CCDC90B: variants seen among roughly 807,000 people sequenced by gnomAD.
The protein encoded by CCDC90B is coiled-coil domain-containing protein 90B, mitochondrial.
CCDC90B carries 24 observed loss-of-function variants against 37.0 expected under a neutral mutation model. The observed-to-expected ratio is 0.65, with a 90% confidence interval of 0.47 to 0.91. The LOEUF is 0.91. CCDC90B is among the 40% of genes least tolerant of loss of function. The pLI is 0.00. For synonymous variants in CCDC90B, 113 were observed against 101.1 expected, an observed-to-expected ratio of 1.12 and a Z score of -0.71; for missense variants, 319 against 299.0, an observed-to-expected ratio of 1.07 and a Z score of -0.49.
At chr11:83,271,642 T>C (rs1470688353) in intron 7 of CCDC90B, among the ~76,000 whole-genome samples, 3 of 152,146 alleles carry the variant, frequency 2.0e-5, no homozygotes, top group Non-Finnish European at 4.4e-5. Flanking sequence ...TGTGGAGAAA[T>C]AGGAACGCTT....
chr11:83,266,365 TG>T (rs996754386), intron 7 of CCDC90B, among the ~76,000 whole-genome samples: 2 of 152,218 alleles, frequency 1.3e-5, no homozygotes, highest in African/African-American at 4.8e-5. Flanking sequence ...AGGGAAGCCA[TG>T]ACAGACTACC....
rs1865659115 is a variant in CCDC90B at position 83,285,908 on chromosome 11, C to T, written c.65G>A (p.Arg22Lys). ...SQGRGDRWVS[R>K]PRGHFSPALR... ...GGCCGGCGAGAAATGCCCGCGGGGC[C>T]TTGAAACCCAACGATCTCCTCTGCC... Residue 22 changes from arginine (R) to lysine (K), a missense_variant, in exon 1 of 9, where the codon AGG becomes AAG. By Grantham distance (26) the Arg-to-Lys change is conservative. Transcript: ENST00000529689. 1.2e-6 allele frequency: 2 copies of T among 1,613,390 alleles called. No homozygotes were observed. The highest frequency in any genetic ancestry group is 4.5e-5 in the East Asian group (2 of 44,872).
In CCDC90B at chr11:83,269,216, A is replaced by G. The variant is rs184331591; in HGVS notation, c.595-3237T>C. 3.6e-3 allele frequency among the ~76,000 whole-genome samples: 549 copies of G among 152,370 alleles called. 3 individuals are homozygous for G. The highest frequency in any genetic ancestry group is 5.6e-3 in the Non-Finnish European group (384 of 68,040). On this transcript the variant is annotated intron_variant, in intron 7 of 8. Coordinates refer to ENST00000529689, the MANE Select transcript of CCDC90B (RefSeq NM_021825.5). The stretch of plus-strand genomic sequence containing the variant: ...CACAATTAAAAGAACTAGAGAAGCA[A>G]GAGCAAACACATTCAAAAGCTAGCA...
rs1302585661 is a variant in CCDC90B, at chr11:83,260,181, A to G, written c.*1730T>C. The G allele has an allele frequency of 2.0e-5, 3 of 152,228 alleles. No individual in the cohort carries two copies. Among genetic ancestry groups the G allele is most frequent in the Non-Finnish European group, 2.9e-5 (2 of 68,038 alleles). 9.4% of individuals were successfully genotyped at this position (152,228 alleles called of 1,614,324 possible). ...AAGACGCATTCCCTCTTAATATTTT[A>G]GAATATTTTAAATCTTAACAAACCA... On this transcript the variant is annotated 3_prime_UTR_variant, in exon 9 of 9. Transcript: ENST00000529689.
At chr11:83,273,752 A>G in intron 6 of CCDC90B, 41 bp downstream of exon 6, 2 of 1,600,254 alleles carry the variant, frequency 1.2e-6, no homozygotes, top group African/African-American at 1.3e-5. Context: ...AAAATAAAAA[A>G]GGAGTAAGTA....
At position 83,266,017 on chromosome 11, in the gene CCDC90B, CTATGTAT is replaced by C. The variant is rs1400097921; in HGVS notation, c.595-45_595-39del. 4 of 1,118,550 alleles carry C rather than the reference CTATGTAT, an allele frequency of 3.6e-6. No homozygotes were observed. The South Asian group carries it at 5.2e-5, about 14-fold the overall frequency. 69.3% of individuals were successfully genotyped at this position (1,118,550 alleles called of 1,614,324 possible). Reference sequence around the variant, plus strand: ...AGAATAAGAGAACTTAATTTTGTCCCTATGTATTAAATGGACAAAAGCATTTACATTA... The same window carrying C: ...AGAATAAGAGAACTTAATTTTGTCCCTAAATGGACAAAAGCATTTACATTA... On this transcript the variant is annotated intron_variant, in intron 7 of 8. Coordinates refer to ENST00000529689, the MANE Select transcript of CCDC90B (RefSeq NM_021825.5).
chr11:83,272,094 C>T (rs1378099016), intron 7 of CCDC90B, among the ~76,000 whole-genome samples: 1 of 151,992 alleles, frequency 6.6e-6, no homozygotes, highest in African/African-American at 2.4e-5. Flanking sequence ...AAACATCACA[C>T]ACTGGGGCCT....
intron 3 of CCDC90B, among the ~76,000 whole-genome samples, chr11:83,277,585 C>T (rs11233545): frequency 0.045 from 6,875 of 152,010 alleles, 200 homozygotes; most frequent in South Asian, 0.15. Flanking sequence ...CCAGTTCAAG[C>T]GATTCTCCTG....
At chr11:83,285,769 G>C in intron 1 of CCDC90B, 104 bp downstream of exon 1, 1 of 1,482,208 alleles carries the variant, frequency 6.7e-7, no homozygotes, top group Non-Finnish European at 8.9e-7. Context: ...TCCGGGAGGA[G>C]GGCGTGGCAC....
At position 83,261,759 on chromosome 11, in the gene CCDC90B, T is replaced by C; in HGVS notation, c.*152A>G. 1.7e-6 allele frequency: 1 copy of C among 573,680 alleles called. No individual in the cohort carries two copies. The allele number at this position is 573,680 out of a possible 1,614,324, so 35.5% of individuals were successfully genotyped here. A position where few individuals can be genotyped will look rare whatever the true frequency, so the allele number is the denominator to read the frequency against. On this transcript the variant is annotated 3_prime_UTR_variant, in exon 9 of 9. Coordinates refer to ENST00000529689, the MANE Select transcript of CCDC90B (RefSeq NM_021825.5). ...ACACACAATAAAGACACAGTATCTC[T>C]TCTCATTCTAAAACACTTCCTCTTT...
At chr11:83,277,382 T>C (rs1865099316) in intron 3 of CCDC90B, among the ~76,000 whole-genome samples, 1 of 152,206 alleles carries the variant, frequency 6.6e-6, no homozygotes, top group Non-Finnish European at 1.5e-5. Context: ...AAAATGCATG[T>C]ACAAACTTAA....
chr11:83,263,424 T>C (rs1591025653), intron 8 of CCDC90B, among the ~76,000 whole-genome samples: 2 of 152,234 alleles, frequency 1.3e-5, no homozygotes, highest in East Asian at 3.8e-4. Context: ...TCTTTTAAGT[T>C]TGCTGTTTAT....
chr11:83,262,026 A>G, intron 8 of CCDC90B, 60 bp from the exon 9 acceptor site: 1 of 1,199,984 alleles, frequency 8.3e-7, no homozygotes, highest in Non-Finnish European at 1.2e-6. Context: ...GCAGAGATAA[A>G]GAGAATAATG....
At chr11:83,266,357 G>C (rs1864274037) in intron 7 of CCDC90B, among the ~76,000 whole-genome samples, 1 of 152,226 alleles carries the variant, frequency 6.6e-6, no homozygotes, top group African/African-American at 2.4e-5. Context: ...CCTAGCCAAG[G>C]GAAGCCATGA....
chr11:83,264,626 AT>A (rs1266093204), intron 8 of CCDC90B, among the ~76,000 whole-genome samples: 1 of 151,768 alleles, frequency 6.6e-6, no homozygotes, highest in Non-Finnish European at 1.5e-5. Flanking sequence ...TGCCCTTAAC[AT>A]TTTTTCCTTC....
chr11:83,285,403 T>C lies in CCDC90B; in HGVS notation c.100+470A>G, dbSNP rs1489271910. ...AGTCTACAATGTGACTGAAATGTAC[T>C]GAGAATTCCAGTGAGAATAAGGCAG... On this transcript the variant is annotated intron_variant, in intron 1 of 8. Transcript: ENST00000529689. The C allele has an allele frequency of 2.6e-6, 3 of 1,154,720 alleles. No individual in the cohort carries two copies. The Admixed American group carries it at 1.4e-4, about 53-fold the overall frequency. 71.5% of individuals were successfully genotyped at this position (1,154,720 alleles called of 1,614,324 possible). A position where few individuals can be genotyped will look rare whatever the true frequency, so the allele number is the denominator to read the frequency against.
Position 83,261,873 on chromosome 11 carries a change from C to A in CCDC90B, c.*38G>T. ...AGTAAATCTCTCCCGGTTTGGTGTTCTAAGAAGCCAACAGCCACAGCAGGA... is the reference window on the plus strand; with the variant it reads ...AGTAAATCTCTCCCGGTTTGGTGTTATAAGAAGCCAACAGCCACAGCAGGA... On this transcript the variant is annotated 3_prime_UTR_variant, in exon 9 of 9. Coordinates refer to ENST00000529689, the MANE Select transcript of CCDC90B (RefSeq NM_021825.5). 6.7e-7 allele frequency: 1 copy of A among 1,495,596 alleles called. No homozygotes were observed. The highest frequency in any genetic ancestry group is 1.9e-5 in the Admixed American group (1 of 51,994). 92.6% of individuals were successfully genotyped at this position (1,495,596 alleles called of 1,614,324 possible). A position where few individuals can be genotyped will look rare whatever the true frequency, so the allele number is the denominator to read the frequency against.
intron 8 of CCDC90B, among the ~76,000 whole-genome samples, chr11:83,263,684 T>C (rs1053524392): frequency 2.0e-5 from 3 of 152,152 alleles, no homozygotes; most frequent in African/African-American, 2.4e-5. Flanking sequence ...ATTTTAAAAA[T>C]TGGAACTAAG....
intron 1 of CCDC90B, among the ~76,000 whole-genome samples, chr11:83,282,683 T>A (rs1266285451): frequency 2.0e-5 from 3 of 152,240 alleles, no homozygotes; most frequent in Non-Finnish European, 4.4e-5. Context: ...GCTCTCCTTT[T>A]CTTTGCCTGC....
Sources: allele counts gnomAD v4.1 joint callset (sites outside exome capture counted in the v4.1 genomes callset), GRCh38; gene constraint gnomAD v4.1.1; transcripts MANE v1.5; gene names NCBI Gene and HGNC (gene_info 2026-07-23, HGNC 2026-07-21).